Variants in JARID2 observed in about 807,000 individuals in gnomAD.
The protein encoded by JARID2 is protein Jumonji.
A neutral mutation model predicts 125.6 loss-of-function variants in JARID2; 21 were observed. That is an observed-to-expected ratio of 0.17 (90% CI 0.12 to 0.24). The LOEUF is 0.24. Among genes scored for constraint, JARID2 ranks in the 10% least tolerant of loss-of-function variants. The pLI is 1.00. For missense variants in JARID2, 1,303 were observed against 1,639.6 expected (o/e 0.79, Z 3.55); for synonymous variants, 736 against 661.6 (o/e 1.11, Z -1.73).
chr6:15,284,445 A>G (rs1036681748), intron 1 of JARID2, among the ~76,000 whole-genome samples: 18 of 152,176 alleles, frequency 1.2e-4, no homozygotes, highest in Non-Finnish European at 2.2e-4. Flanking sequence ...GCTATACTCC[A>G]GAGTTCCCAG....
At chr6:15,372,359 T>C (rs536207862) in intron 1 of JARID2, among the ~76,000 whole-genome samples, 4 of 149,834 alleles carry the variant, frequency 2.7e-5, no homozygotes, top group African/African-American at 1.0e-4. Context: ...ATATTAATGT[T>C]ATTATTATTA....
chr6:15,255,050 A>T (rs186974322), intron 1 of JARID2, among the ~76,000 whole-genome samples: 47 of 150,908 alleles, frequency 3.1e-4, no homozygotes, highest in Non-Finnish European at 6.2e-4. Flanking sequence ...ACAAAAACAC[A>T]CAAAAACAAC....
chr6:15,450,175 G>A (rs1043792848), intron 3 of JARID2, among the ~76,000 whole-genome samples: 2 of 151,760 alleles, frequency 1.3e-5, no homozygotes, highest in African/African-American at 4.8e-5. Context: ...TTTTTTATTC[G>A]TTATTATTTT....
intron 3 of JARID2, among the ~76,000 whole-genome samples, chr6:15,436,440 G>T (rs1767206905): frequency 6.6e-6 from 1 of 152,158 alleles, no homozygotes; most frequent in African/African-American, 2.4e-5. Flanking sequence ...TCCTCAGGAC[G>T]TCCAGCAGCT....
chr6:15,249,614 A>C (rs1327108356), intron 1 of JARID2, among the ~76,000 whole-genome samples: 1 of 152,290 alleles, frequency 6.6e-6, no homozygotes, highest in African/African-American at 2.4e-5. Context: ...CCTCTTTATA[A>C]GTAAGGTGGC....
rs1266214275 is a variant in JARID2, at chr6:15,509,301, A to G, written c.2846+847A>G. The G allele has an allele frequency of 5.1e-6, 5 of 984,618 alleles. No individual in the cohort carries two copies. The African/African-American group carries it at 8.7e-5, about 17-fold the overall frequency. 61.0% of individuals were successfully genotyped at this position (984,618 alleles called of 1,614,324 possible). ...CGTTTACCGGCATGCTGTTCATGCCATGCTGACTGTGTTTATTGCCCTAAT... is the reference window on the plus strand; with the variant it reads ...CGTTTACCGGCATGCTGTTCATGCCGTGCTGACTGTGTTTATTGCCCTAAT... On this transcript the variant is annotated intron_variant, in intron 12 of 17. Transcript: ENST00000341776.
chr6:15,264,333 T>C (rs1056084127), intron 1 of JARID2, among the ~76,000 whole-genome samples: 1 of 152,208 alleles, frequency 6.6e-6, no homozygotes, highest in Non-Finnish European at 1.5e-5. Context: ...GTCAAAAAAT[T>C]CTTTACTGAT....
At chr6:15,456,878 CT>C (rs71535043) in intron 4 of JARID2, among the ~76,000 whole-genome samples, 8 of 95,674 alleles carry the variant, frequency 8.4e-5, no homozygotes, top group East Asian at 3.6e-4. Context: ...GGATGTTAAG[CT>C]TTTTTTTTTT....
chr6:15,302,678 CAT>C (rs1338032542), intron 1 of JARID2, among the ~76,000 whole-genome samples: 1 of 152,188 alleles, frequency 6.6e-6, no homozygotes, highest in African/African-American at 2.4e-5. Context: ...CAAAGGATAA[CAT>C]ATAACCTCAT....
At chr6:15,433,410 C>CTCTGTG (rs1241800597) in intron 3 of JARID2, among the ~76,000 whole-genome samples, 2,597 of 143,476 alleles carry the variant, frequency 0.018, 36 homozygotes, top group East Asian at 0.041. Flanking sequence ...CCATGTCTCT[C>CTCTGTG]TGTGTGTGTG....
chr6:15,501,013 G>A lies in JARID2; in HGVS notation c.2052G>A (p.Leu684=), dbSNP rs1770707712. The change falls in exon 8 of 18, where the codon CTG becomes CTA. Residue 684 remains leucine (L), a synonymous_variant. Coordinates refer to ENST00000341776, the MANE Select transcript of JARID2 (RefSeq NM_004973.4). ...LKKWNKLADM[L]RIPRTAQDRL... ...AATGGAACAAACTAGCAGACATGCT[G>A]CGCATCCCCAGAACTGCCCAGGACC... 6.2e-7 allele frequency: 1 copy of A among 1,614,144 alleles called. No homozygotes were observed. The highest frequency in any genetic ancestry group is 8.5e-7 in the Non-Finnish European group (1 of 1,179,972).
intron 3 of JARID2, among the ~76,000 whole-genome samples, chr6:15,427,635 C>T (rs994707880): frequency 8.5e-5 from 13 of 152,102 alleles, no homozygotes; most frequent in Non-Finnish European, 1.9e-4. Flanking sequence ...TTTTCACACC[C>T]CCAAAGGACA....
At chr6:15,264,518 C>A (rs913689149) in intron 1 of JARID2, among the ~76,000 whole-genome samples, 1 of 151,896 alleles carries the variant, frequency 6.6e-6, no homozygotes, top group Non-Finnish European at 1.5e-5. Context: ...TAACAGGAGC[C>A]CTGACAGCTA....
intron 1 of JARID2, among the ~76,000 whole-genome samples, chr6:15,358,271 A>G (rs947761916): frequency 6.6e-6 from 1 of 152,218 alleles, no homozygotes; most frequent in Non-Finnish European, 1.5e-5. Flanking sequence ...GTAGGAAGAA[A>G]AACTTTCTCA....
chr6:15,263,009 C>G (rs985713591), intron 1 of JARID2, among the ~76,000 whole-genome samples: 1 of 151,916 alleles, frequency 6.6e-6, no homozygotes, highest in African/African-American at 2.4e-5. Flanking sequence ...GTGCTCTGTT[C>G]AGCAGAGTCC....
At chr6:15,254,289 G>A (rs982375135) in intron 1 of JARID2, among the ~76,000 whole-genome samples, 1 of 152,146 alleles carries the variant, frequency 6.6e-6, no homozygotes, top group South Asian at 2.1e-4. Flanking sequence ...CCCAGTGTGG[G>A]CTGCAGTTCT....
chr6:15,454,806 A>G (rs1768082320), intron 4 of JARID2, among the ~76,000 whole-genome samples: 1 of 152,158 alleles, frequency 6.6e-6, no homozygotes, highest in Non-Finnish European at 1.5e-5. Context: ...TTTGGCTGAA[A>G]GATTCTCCTG....
In JARID2 at chr6:15,246,197, T is replaced by C; in HGVS notation, c.-343T>C. The stretch of plus-strand genomic sequence containing the variant: ...GACACTAAGGACCTTCACGTTTCGC[T>C]GATGTAGTTTTTGGAGGAAAAAGGG... On this transcript the variant is annotated 5_prime_UTR_variant, in exon 1 of 18. Transcript: ENST00000341776. 1 of 468,024 alleles carries C rather than the reference T, an allele frequency of 2.1e-6. No homozygotes were observed. 29.0% of individuals were successfully genotyped at this position (468,024 alleles called of 1,614,324 possible).
rs77332165 is a variant in JARID2, at chr6:15,365,262, T to C, written c.46-8855T>C. Among the ~76,000 whole-genome samples the C allele has an allele frequency of 7.5e-3, 1,136 of 152,330 alleles. 15 individuals carry two copies. Among genetic ancestry groups the C allele is most frequent in the African/African-American group, 0.026 (1,078 of 41,574 alleles). On this transcript the variant is annotated intron_variant, in intron 1 of 17. Coordinates refer to ENST00000341776, the MANE Select transcript of JARID2 (RefSeq NM_004973.4). ...AGTGAAGGTACATTGACAATCCAGGTGTCTGTTAGATGCTGGAAGATAATC... is the reference window on the plus strand; with the variant it reads ...AGTGAAGGTACATTGACAATCCAGGCGTCTGTTAGATGCTGGAAGATAATC...
Sources: gnomAD v4.1 joint callset for allele counts (sites outside exome capture counted in the v4.1 genomes callset) on GRCh38, gnomAD v4.1.1 for gene constraint, MANE v1.5 for transcripts, NCBI Gene and HGNC (gene_info 2026-07-23, HGNC 2026-07-21) for gene names.